CPAMD8: variants seen among roughly 807,000 people sequenced by gnomAD.
CPAMD8 encodes C3 and PZP like alpha-2-macroglobulin domain containing 8, also known as C3 and PZP-like alpha-2-macroglobulin domain-containing protein 8.
A neutral mutation model predicts 224.7 loss-of-function variants in CPAMD8; 146 were observed. That is an observed-to-expected ratio of 0.65 (90% CI 0.57 to 0.75). The LOEUF (loss-of-function observed/expected upper bound fraction) is 0.75. Ranked by LOEUF, CPAMD8 falls within the 30% of genes least tolerant of loss-of-function variation. The pLI, the probability that CPAMD8 is intolerant of heterozygous loss-of-function variation, is 0.00. For missense variants in CPAMD8, 2,301 were observed against 2,537.5 expected (o/e 0.91, Z 2.00); for synonymous variants, 966 against 1,044.6 (o/e 0.92, Z 1.45).
chr19:16,917,727 C>T (rs1003394769), intron 27 of CPAMD8, among the ~76,000 whole-genome samples: 26 of 152,106 alleles, frequency 1.7e-4, no homozygotes, highest in Admixed American at 1.5e-3. Context: ...GGAAACAGAG[C>T]GAGATCTTGT....
chr19:17,011,434 C>G (rs758972989), intron 5 of CPAMD8, 30 bp downstream of exon 5: 1 of 1,614,060 alleles, frequency 6.2e-7, no homozygotes, highest in Non-Finnish European at 8.5e-7. Context: ...GGGTGCACTC[C>G]GGGCCCGCGG....
chr19:17,026,718 G>T lies in CPAMD8; in HGVS notation c.-76C>A. The T allele has an allele frequency of 8.1e-7, 1 of 1,228,120 alleles. No homozygotes were observed. Among genetic ancestry groups the T allele is most frequent in the East Asian group, 3.3e-5 (1 of 30,566 alleles). The allele number at this position is 1,228,120 out of a possible 1,614,324, so 76.1% of individuals were successfully genotyped here. A position where few individuals can be genotyped will look rare whatever the true frequency, so the allele number is the denominator to read the frequency against. On this transcript the variant is annotated 5_prime_UTR_variant, in exon 1 of 42. Coordinates refer to ENST00000443236, the MANE Select transcript of CPAMD8 (RefSeq NM_015692.5). ...TGGGCCAGGGCCAGGGTCCGAGCGC[G>T]GCCGTCCTCGCGCCGCCGCCGGGGG...
At chr19:16,981,525 A>G (rs73928416) in intron 13 of CPAMD8, among the ~76,000 whole-genome samples, 8,668 of 152,136 alleles carry the variant, frequency 0.057, 491 homozygotes, top group African/African-American at 0.15. Flanking sequence ...TTCTTTGCCC[A>G]ATGTCAATGA....
In CPAMD8 at chr19:16,952,205, G is replaced by T; in HGVS notation, c.2277-5C>A. ...GTCCCCTCACCAGATGGGTCACTGC[G>T]GAGAGACAGACAGCCATGATGGGGG... On this transcript the variant is annotated splice_region_variant and splice_polypyrimidine_tract_variant and intron_variant, in intron 19 of 41. Transcript: ENST00000443236. 1 of 1,481,350 alleles carries T rather than the reference G, an allele frequency of 6.8e-7. No homozygotes were observed. Among genetic ancestry groups the T allele is most frequent in the Non-Finnish European group, 9.2e-7 (1 of 1,085,038 alleles). 91.8% of individuals were successfully genotyped at this position (1,481,350 alleles called of 1,614,324 possible).
In CPAMD8 at chr19:17,025,935, A is replaced by G. The variant is rs370037300; in HGVS notation, c.92+616T>C. Among the ~76,000 whole-genome samples, 13 of 152,242 alleles carry G rather than the reference A, an allele frequency of 8.5e-5. No individual in the cohort carries two copies. The East Asian group carries it at 2.1e-3, about 25-fold the overall frequency. ...GGGCTGCTTGAACAAGCCGCCTTCT[A>G]AACGCCCAGCTGGACTAAAAGGCTG... On this transcript the variant is annotated intron_variant, in intron 1 of 41. Coordinates refer to ENST00000443236, the MANE Select transcript of CPAMD8 (RefSeq NM_015692.5).
chr19:16,934,888 C>T (rs2053641287), intron 23 of CPAMD8, among the ~76,000 whole-genome samples: 1 of 151,980 alleles, frequency 6.6e-6, no homozygotes, highest in Non-Finnish European at 1.5e-5. Flanking sequence ...GTTGTGCAAC[C>T]ACCACCACCA....
intron 16 of CPAMD8, among the ~76,000 whole-genome samples, 153 bp downstream of exon 16, chr19:16,975,849 C>T (rs1463481554): frequency 6.6e-6 from 1 of 152,190 alleles, no homozygotes; most frequent in African/African-American, 2.4e-5. Context: ...ATCAGACACC[C>T]ATTAGGTTCC....
intron 22 of CPAMD8, 82 bp downstream of exon 22, chr19:16,945,467 C>A: frequency 6.4e-7 from 1 of 1,552,626 alleles, no homozygotes; most frequent in African/African-American, 1.4e-5. Flanking sequence ...CAGCCTCAGA[C>A]CACACACTCC....
intron 19 of CPAMD8, chr19:16,957,638 CT>C (rs2054514157): frequency 1.7e-6 from 1 of 592,116 alleles, no homozygotes; most frequent in African/African-American, 1.8e-5. Context: ...GCACAAAGCC[CT>C]TGCATTTCAT....
At chr19:17,006,804 C>T (rs749787114) in intron 7 of CPAMD8, among the ~76,000 whole-genome samples, 3 of 152,168 alleles carry the variant, frequency 2.0e-5, no homozygotes, top group Non-Finnish European at 4.4e-5. Flanking sequence ...TCTGCCACCC[C>T]GGGCTGGGAT....
chr19:16,918,928 C>A lies in CPAMD8; in HGVS notation c.3629+2977G>T, dbSNP rs113826369. Among the ~76,000 whole-genome samples the A allele has an allele frequency of 9.8e-3, 1,488 of 152,110 alleles. 23 individuals carry two copies. The highest frequency in any genetic ancestry group is 0.034 in the African/African-American group (1,398 of 41,480). On this transcript the variant is annotated intron_variant, in intron 27 of 41. Transcript: ENST00000443236. Reference sequence around the variant, plus strand: ...CACTAAAAGCATCTTGGAGCCCAGGCACGGTGGCTCACACCTGTAATCTCA... The same window carrying A: ...CACTAAAAGCATCTTGGAGCCCAGGAACGGTGGCTCACACCTGTAATCTCA...
At chr19:16,993,612 C>T in intron 11 of CPAMD8, 26 bp from the exon 12 acceptor site, 2 of 1,610,984 alleles carry the variant, frequency 1.2e-6, no homozygotes, top group Non-Finnish European at 1.7e-6. Context: ...CAAGACACAA[C>T]AGAGTTAAGA....
chr19:16,923,273 T>A (rs1037623322), intron 26 of CPAMD8, among the ~76,000 whole-genome samples: 1 of 151,856 alleles, frequency 6.6e-6, no homozygotes, highest in Non-Finnish European at 1.5e-5. Context: ...GACCGTAGGG[T>A]CTGGACAGAA....
intron 22 of CPAMD8, among the ~76,000 whole-genome samples, chr19:16,939,017 C>T (rs1020879552): frequency 6.6e-6 from 1 of 152,156 alleles, no homozygotes; most frequent in Non-Finnish European, 1.5e-5. Flanking sequence ...GAATTTAACC[C>T]CCTATACCTT....
chr19:16,914,475 C>T lies in CPAMD8; in HGVS notation c.3810G>A (p.Pro1270=), dbSNP rs576366652. 7.6e-5 allele frequency: 122 copies of T among 1,614,144 alleles called. No homozygotes were observed. Among genetic ancestry groups the T allele is most frequent in the South Asian group, 6.7e-4 (61 of 91,088 alleles). The change falls in exon 29 of 42, where the codon CCG becomes CCA. Residue 1270 remains proline (P), a synonymous_variant. Coordinates refer to ENST00000443236, the MANE Select transcript of CPAMD8 (RefSeq NM_015692.5). ...DIQGGIHGTV[P]LTAYVVVALL... ...GAGCAACCACCACGTAGGCTGTCAGCGGGACAGTGCCGTGGATCCCACCCT... is the reference window on the plus strand; with the variant it reads ...GAGCAACCACCACGTAGGCTGTCAGTGGGACAGTGCCGTGGATCCCACCCT...
At chr19:16,988,706 C>CTA (rs2055832411) in intron 13 of CPAMD8, among the ~76,000 whole-genome samples, 4 of 152,084 alleles carry the variant, frequency 2.6e-5, no homozygotes, top group Admixed American at 6.6e-5. Context: ...ATAAGGGATC[C>CTA]CTGTGTCAGC....
chr19:16,950,074 G>C (rs925893375), intron 20 of CPAMD8, among the ~76,000 whole-genome samples: 2 of 152,074 alleles, frequency 1.3e-5, no homozygotes, highest in African/African-American at 4.8e-5. Flanking sequence ...ACGGCAGGCA[G>C]ATGGCTTAAG....
intron 13 of CPAMD8, among the ~76,000 whole-genome samples, chr19:16,982,298 C>T (rs758488366): frequency 3.9e-5 from 6 of 151,982 alleles, no homozygotes; most frequent in Non-Finnish European, 7.4e-5. Context: ...GAAGCTAAGG[C>T]GGAAGGATCA....
chr19:17,017,667 A>G (rs529786409), intron 3 of CPAMD8, among the ~76,000 whole-genome samples: 22 of 152,302 alleles, frequency 1.4e-4, no homozygotes, highest in African/African-American at 5.3e-4. Flanking sequence ...ACTTTACGAA[A>G]TGTGCCCTGT....
Sources: gnomAD v4.1 joint callset for allele counts (sites outside exome capture counted in the v4.1 genomes callset) on GRCh38, gnomAD v4.1.1 for gene constraint, MANE v1.5 for transcripts, NCBI Gene and HGNC (gene_info 2026-07-23, HGNC 2026-07-21) for gene names.